NEGR1: variants seen among roughly 807,000 people sequenced by gnomAD.
The protein encoded by NEGR1 is IgLON family member 4.
A neutral mutation model predicts 40.9 loss-of-function variants in NEGR1; 10 were observed. That is an observed-to-expected ratio of 0.24 (90% CI 0.15 to 0.42). The LOEUF (loss-of-function observed/expected upper bound fraction) is 0.42, where lower values mean the gene tolerates loss of function less well. Among genes scored for constraint, NEGR1 ranks in the 10% least tolerant of loss-of-function variants. The probability of loss-of-function intolerance (pLI) is 1.00; values close to 1 mark genes in which losing one functional copy is unlikely to be tolerated. For missense variants in NEGR1, 352 were observed against 438.9 expected, an observed-to-expected ratio of 0.80 and a Z score of 1.77; for synonymous variants, 185 against 166.8, an observed-to-expected ratio of 1.11 and a Z score of -0.84.
At chr1:72,170,757 T>C (rs116255288) in intron 1 of NEGR1, among the ~76,000 whole-genome samples, 2,740 of 152,314 alleles carry the variant, frequency 0.018, 33 homozygotes, top group Admixed American at 0.039. Context: ...CTTGTTTTTG[T>C]ATTCACTGTT....
intron 1 of NEGR1, among the ~76,000 whole-genome samples, chr1:72,025,719 A>G (rs953580889): frequency 5.9e-5 from 9 of 152,230 alleles, no homozygotes; most frequent in African/African-American, 2.2e-4. Flanking sequence ...CAGTATTTAA[A>G]TATATTGCTG....
rs1039780773 is a variant in NEGR1 at position 71,404,164 on chromosome 1, A to ATT, written c.*3280_*3281dup. 50 of 135,140 alleles carry ATT rather than the reference A, an allele frequency of 3.7e-4. No homozygotes were observed. The highest frequency in any genetic ancestry group is 2.9e-3 in the East Asian group (15 of 5,148). The allele number at this position is 135,140 out of a possible 1,614,324, so 8.4% of individuals were successfully genotyped here. A position where few individuals can be genotyped will look rare whatever the true frequency, so the allele number is the denominator to read the frequency against. On this transcript the variant is annotated 3_prime_UTR_variant, in exon 7 of 7. Coordinates refer to ENST00000357731, the MANE Select transcript of NEGR1 (RefSeq NM_173808.3). ...TGTAGGGGTATTTATATATATATAT[A>ATT]TTTTTTTTTTTCCCTGAATTACCTG...
At chr1:72,148,076 C>T (rs1441614308) in intron 1 of NEGR1, among the ~76,000 whole-genome samples, 1 of 152,116 alleles carries the variant, frequency 6.6e-6, no homozygotes, top group African/African-American at 2.4e-5. Context: ...CCTCTTCTCA[C>T]AGCTCCACTA....
In NEGR1 at chr1:71,999,632, AATATATATATATAT is replaced by A. The variant is rs528857972; in HGVS notation, c.177-64335_177-64322del. ...ATGTATTTGCATCTTGAGCAAAGCAAATATATATATATATATATATATATATATATATATATATA... is the reference window on the plus strand; with the variant it reads ...ATGTATTTGCATCTTGAGCAAAGCAAATATATATATATATATATATATATA... On this transcript the variant is annotated intron_variant, in intron 1 of 6. Coordinates refer to ENST00000357731, the MANE Select transcript of NEGR1 (RefSeq NM_173808.3). 2.6e-3 allele frequency among the ~76,000 whole-genome samples: 124 copies of A among 48,360 alleles called. 4 individuals are homozygous for A. Among genetic ancestry groups the A allele is most frequent in the Middle Eastern group, 9.4e-3 (1 of 106 alleles). 31.7% of individuals were successfully genotyped at this position (48,360 alleles called of 152,430 possible).
At chr1:72,182,589 C>A (rs143813006) in intron 1 of NEGR1, among the ~76,000 whole-genome samples, 40 of 152,114 alleles carry the variant, frequency 2.6e-4, no homozygotes, top group African/African-American at 8.9e-4. Flanking sequence ...AATGAAGCAA[C>A]TTCCCAAGGA....
intron 1 of NEGR1, among the ~76,000 whole-genome samples, chr1:72,119,702 C>T (rs532947949): frequency 6.6e-6 from 1 of 151,954 alleles, no homozygotes; most frequent in South Asian, 2.1e-4. Flanking sequence ...GTTGCCACAG[C>T]TGGCAGGGGG....
intron 2 of NEGR1, among the ~76,000 whole-genome samples, chr1:71,879,282 T>G (rs1660519631): frequency 2.0e-5 from 3 of 152,086 alleles, no homozygotes; most frequent in Non-Finnish European, 4.4e-5. Context: ...AGGACCAAAT[T>G]GAGGATAAAA....
chr1:71,475,733 G>C (rs1477634869), intron 6 of NEGR1, among the ~76,000 whole-genome samples: 1 of 151,898 alleles, frequency 6.6e-6, no homozygotes, highest in Admixed American at 6.6e-5. Context: ...TTCTTTATTG[G>C]ATTAAGGAAC....
chr1:71,597,472 C>CTCTGGGTGTGTG (rs756076229), intron 5 of NEGR1, among the ~76,000 whole-genome samples: 2 of 31,326 alleles, frequency 6.4e-5, no homozygotes, highest in Non-Finnish European at 1.2e-4. Flanking sequence ...CTCTCTCTCT[C>CTCTGGGTGTGTG]TGTGTGTGTG....
At chr1:71,493,854 A>G (rs1646945198) in intron 6 of NEGR1, among the ~76,000 whole-genome samples, 1 of 152,184 alleles carries the variant, frequency 6.6e-6, no homozygotes, top group South Asian at 2.1e-4. Context: ...GCTCTAGTCC[A>G]ACTTATTTAT....
intron 6 of NEGR1, among the ~76,000 whole-genome samples, chr1:71,492,320 T>C (rs1646935373): frequency 6.6e-6 from 1 of 152,028 alleles, no homozygotes; most frequent in African/African-American, 2.4e-5. Context: ...ATAAATTTTC[T>C]TTGTAATGGA....
chr1:72,185,065 G>C (rs2100419239), intron 1 of NEGR1, among the ~76,000 whole-genome samples: 1 of 152,014 alleles, frequency 6.6e-6, no homozygotes, highest in East Asian at 1.9e-4. Flanking sequence ...GTAAAGATGA[G>C]AGACAATGAG....
intron 1 of NEGR1, among the ~76,000 whole-genome samples, chr1:71,984,558 T>G (rs1646379428): frequency 6.6e-6 from 1 of 152,332 alleles, no homozygotes; most frequent in Admixed American, 6.5e-5. Context: ...TTAGGCTACA[T>G]GTTTTCAAAT....
intron 4 of NEGR1, among the ~76,000 whole-genome samples, chr1:71,686,071 A>C (rs1653026727): frequency 1.3e-5 from 2 of 152,158 alleles, no homozygotes; most frequent in Non-Finnish European, 1.5e-5. Context: ...AAAATTTGCA[A>C]ACAGAAATTT....
Position 71,597,472 on chromosome 1 carries a change from C to CTCTCTGTGTGTGTGTGTGTGTGTG in NEGR1, c.789-4505_789-4504insCACACACACACACACACACAGAGA, listed in dbSNP as rs756076229. Among the ~76,000 whole-genome samples, 72 of 31,302 alleles carry CTCTCTGTGTGTGTGTGTGTGTGTG rather than the reference C, an allele frequency of 2.3e-3. 2 individuals are homozygous for CTCTCTGTGTGTGTGTGTGTGTGTG. Among genetic ancestry groups the CTCTCTGTGTGTGTGTGTGTGTGTG allele is most frequent in the African/African-American group, 7.1e-3 (70 of 9,918 alleles). 20.5% of individuals were successfully genotyped at this position (31,302 alleles called of 152,430 possible). A position where few individuals can be genotyped will look rare whatever the true frequency, so the allele number is the denominator to read the frequency against. On this transcript the variant is annotated intron_variant, in intron 5 of 6. Coordinates refer to ENST00000357731, the MANE Select transcript of NEGR1 (RefSeq NM_173808.3). Reference sequence around the variant, plus strand: ...TCTCTCTCTCTCTCTCTCTCTCTCTCTGTGTGTGTGTGTGTGTGTGTGTGT... The same window carrying CTCTCTGTGTGTGTGTGTGTGTGTG: ...TCTCTCTCTCTCTCTCTCTCTCTCTCTCTCTGTGTGTGTGTGTGTGTGTGTGTGTGTGTGTGTGTGTGTGTGTGT...
At chr1:72,050,458 T>G (rs908899767) in intron 1 of NEGR1, among the ~76,000 whole-genome samples, 3 of 151,592 alleles carry the variant, frequency 2.0e-5, no homozygotes, top group Non-Finnish European at 3.0e-5. Context: ...TTGCTGGGCC[T>G]ATTAGCCGAC....
chr1:71,780,736 G>T (rs189807362), intron 2 of NEGR1, among the ~76,000 whole-genome samples: 40 of 152,234 alleles, frequency 2.6e-4, no homozygotes, highest in East Asian at 1.9e-4. Context: ...TATTTAGTTG[G>T]TTCCACAGTG....
intron 3 of NEGR1, among the ~76,000 whole-genome samples, chr1:71,701,282 G>T (rs1653682842): frequency 6.6e-6 from 1 of 151,872 alleles, no homozygotes; most frequent in African/African-American, 2.4e-5. Context: ...TTTTCAGGTT[G>T]TAGGGAGAAT....
intron 4 of NEGR1, among the ~76,000 whole-genome samples, chr1:71,670,971 T>G (rs1166937423): frequency 2.6e-5 from 4 of 152,158 alleles, no homozygotes; most frequent in Non-Finnish European, 5.9e-5. Context: ...ATTTTTTTGG[T>G]GAATTTCATT....
Sources: allele counts gnomAD v4.1 joint callset (sites outside exome capture counted in the v4.1 genomes callset), GRCh38; gene constraint gnomAD v4.1.1; transcripts MANE v1.5; gene names NCBI Gene and HGNC (gene_info 2026-07-23, HGNC 2026-07-21).